C2CD3: variants seen among roughly 807,000 people sequenced by gnomAD.
C2CD3 encodes C2 domain-containing protein 3.
In C2CD3, 148 loss-of-function variants were observed where a neutral mutation model predicts 234.0. The observed-to-expected ratio is 0.63, with a 90% confidence interval of 0.55 to 0.72. The LOEUF (loss-of-function observed/expected upper bound fraction) is 0.72, where lower values mean the gene tolerates loss of function less well. Among genes scored for constraint, C2CD3 ranks in the 30% least tolerant of loss-of-function variants. C2CD3 has a pLI of 0.00. For synonymous variants in C2CD3, 1,000 were observed against 1,035.4 expected, an observed-to-expected ratio of 0.97 and a Z score of 0.66; for missense variants, 2,577 against 2,811.5, an observed-to-expected ratio of 0.92 and a Z score of 1.89.
chr11:74,044,451 C>CA (rs759415122), intron 28 of C2CD3, among the ~76,000 whole-genome samples: 5,122 of 123,958 alleles, frequency 0.041, 220 homozygotes, highest in African/African-American at 0.12. Flanking sequence ...AAGACTGTCT[C>CA]AAAAAAAAAA....
chr11:74,070,075 A>T (rs1954725397), intron 24 of C2CD3, among the ~76,000 whole-genome samples: 1 of 152,208 alleles, frequency 6.6e-6, no homozygotes, highest in Admixed American at 6.5e-5. Flanking sequence ...TACTGAGTAT[A>T]ACTTATGCTA....
At chr11:74,141,435 A>G (rs1408473842) in intron 3 of C2CD3, among the ~76,000 whole-genome samples, 1 of 152,194 alleles carries the variant, frequency 6.6e-6, no homozygotes, top group Non-Finnish European at 1.5e-5. Context: ...ATCACTTGCC[A>G]AAGACTGCCT....
chr11:74,163,694 TGA>T (rs1431143792), intron 2 of C2CD3, among the ~76,000 whole-genome samples: 1 of 152,220 alleles, frequency 6.6e-6, no homozygotes, highest in Non-Finnish European at 1.5e-5. Context: ...TGTGGAACTG[TGA>T]GTCAATTAAA....
intron 3 of C2CD3, 52 bp downstream of exon 3, chr11:74,161,347 T>G: frequency 8.6e-7 from 1 of 1,161,238 alleles, no homozygotes; most frequent in Non-Finnish European, 1.2e-6. Context: ...ACTCAACTAT[T>G]TCTGCCCAAA....
At chr11:74,117,038 ACGTGTGTG>A (rs2135515042) in intron 9 of C2CD3, among the ~76,000 whole-genome samples, 1 of 105,596 alleles carries the variant, frequency 9.5e-6, no homozygotes, top group Admixed American at 1.0e-4. Context: ...ATGTATATAT[ACGTGTGTG>A]TGTATATATA....
chr11:74,157,615 T>A (rs1856120820), intron 3 of C2CD3, among the ~76,000 whole-genome samples: 1 of 152,194 alleles, frequency 6.6e-6, no homozygotes, highest in African/African-American at 2.4e-5. Context: ...AATTCTTACA[T>A]TTGGTAATGT....
In C2CD3 at chr11:74,103,596, T is replaced by C; in HGVS notation, c.2115A>G (p.Lys705=). ...KVTMELITDN[K]DFTGINTKLS... is the part of the protein sequence containing the mutation. ...ACTTAGTATTGATACCAGTGAAATC[T>C]TTGTTATCTGTAATAAGCTCCATGG... The change falls in exon 14 of 33, where the codon AAA becomes AAG. Residue 705 remains lysine (K), a synonymous_variant. Coordinates refer to ENST00000334126, the MANE Select transcript of C2CD3 (RefSeq NM_001286577.2). 3.7e-6 allele frequency: 6 copies of C among 1,612,666 alleles called. No individual in the cohort carries two copies. The highest frequency in any genetic ancestry group is 5.1e-6 in the Non-Finnish European group (6 of 1,179,656).
At chr11:74,063,951 CA>C (rs1591371010) in intron 24 of C2CD3, among the ~76,000 whole-genome samples, 2 of 151,992 alleles carry the variant, frequency 1.3e-5, no homozygotes, top group African/African-American at 4.8e-5. Context: ...GCACAATGTG[CA>C]GGTTTGTTAC....
At chr11:74,142,787 T>C (rs1854894675) in intron 3 of C2CD3, among the ~76,000 whole-genome samples, 1 of 152,160 alleles carries the variant, frequency 6.6e-6, no homozygotes. Context: ...AGAGACCATC[T>C]ACTTTAACCC....
intron 9 of C2CD3, among the ~76,000 whole-genome samples, chr11:74,117,606 T>C (rs2135517349): frequency 6.6e-6 from 1 of 151,362 alleles, no homozygotes; most frequent in South Asian, 2.1e-4. Flanking sequence ...GGGAAGAAGG[T>C]GAGGGATAAA....
At chr11:74,164,745 C>T (rs1424792125) in intron 2 of C2CD3, 1 of 152,062 alleles carries the variant, frequency 6.6e-6, no homozygotes, top group Non-Finnish European at 1.5e-5. Context: ...TTTGCAATTG[C>T]CTTAACTTCT....
chr11:74,017,374 A>G (rs933336246), intron 32 of C2CD3, among the ~76,000 whole-genome samples: 12 of 152,178 alleles, frequency 7.9e-5, no homozygotes, highest in African/African-American at 2.9e-4. Flanking sequence ...TCATCCATAC[A>G]TGGGACCTGT....
chr11:74,133,271 G>A (rs916895757), intron 6 of C2CD3, among the ~76,000 whole-genome samples, 154 bp downstream of exon 6: 29 of 152,132 alleles, frequency 1.9e-4, no homozygotes, highest in African/African-American at 6.8e-4. Flanking sequence ...AAGATTTTTA[G>A]TATCTTAACT....
intron 3 of C2CD3, among the ~76,000 whole-genome samples, chr11:74,143,963 T>G (rs1854984609): frequency 6.6e-6 from 1 of 152,124 alleles, no homozygotes; most frequent in African/African-American, 2.4e-5. Context: ...TAGTTTACAG[T>G]TTTTAAAGAA....
chr11:74,015,846 C>T (rs191224868), intron 32 of C2CD3, among the ~76,000 whole-genome samples: 73 of 149,874 alleles, frequency 4.9e-4, no homozygotes, highest in African/African-American at 1.8e-3. Context: ...GCAGGGGGAT[C>T]GCATGAGTCT....
chr11:74,118,227 C>G lies in C2CD3; in HGVS notation c.1520+1G>C, dbSNP rs758396296. The stretch of plus-strand genomic sequence containing the variant: ...TTAAATAAACAGTCAGAGCAGCTCA[C>G]CTATTTCTCTTGCCTGCTGACCTCT... On this transcript the variant is annotated splice_donor_variant, in intron 9 of 32. Transcript: ENST00000334126. LOFTEE classifies it high-confidence loss of function. The G allele has an allele frequency of 6.2e-7, 1 of 1,611,736 alleles. No homozygotes were observed. Among genetic ancestry groups the G allele is most frequent in the Non-Finnish European group, 8.5e-7 (1 of 1,178,704 alleles).
chr11:74,078,705 C>T lies in C2CD3; in HGVS notation c.4013G>A (p.Trp1338Ter), dbSNP rs762384816. ...LLIKRSGITGWYPIILPEDGG... is the reference protein window; with the variant it reads ...LLIKRSGITG ...GTCTTCTGGTAAAATGATAGGATAC[C>T]ATCCTGTGATCCCTTACGGGAGAAA... The change falls in exon 23 of 33, where the codon TGG (tryptophan) becomes TAG (stop). Residue 1338 changes from tryptophan to a stop codon, truncating the protein, a stop_gained. Coordinates refer to ENST00000334126, the MANE Select transcript of C2CD3 (RefSeq NM_001286577.2). LOFTEE classifies it high-confidence loss of function. The T allele has an allele frequency of 1.2e-5, 19 of 1,600,512 alleles. No individual in the cohort carries two copies. Among genetic ancestry groups the T allele is most frequent in the Non-Finnish European group, 1.4e-5 (17 of 1,174,296 alleles).
At chr11:74,101,511 G>C (rs1369289520) in intron 14 of C2CD3, among the ~76,000 whole-genome samples, 1 of 152,140 alleles carries the variant, frequency 6.6e-6, no homozygotes, top group African/African-American at 2.4e-5. Context: ...TACAAACCTA[G>C]TGTTTATATC....
In C2CD3 at chr11:74,118,217, G is replaced by C. The variant is rs1957093406; in HGVS notation, c.1520+11C>G. ...GTGTTTACCTTTAAATAAACAGTCAGAGCAGCTCACCTATTTCTCTTGCCT... is the reference window on the plus strand; with the variant it reads ...GTGTTTACCTTTAAATAAACAGTCACAGCAGCTCACCTATTTCTCTTGCCT... On this transcript the variant is annotated intron_variant, in intron 9 of 32. Coordinates refer to ENST00000334126, the MANE Select transcript of C2CD3 (RefSeq NM_001286577.2). The C allele has an allele frequency of 6.2e-7, 1 of 1,609,336 alleles. No homozygotes were observed. The highest frequency in any genetic ancestry group is 8.5e-7 in the Non-Finnish European group (1 of 1,177,112).
Sources: allele counts gnomAD v4.1 joint callset (sites outside exome capture counted in the v4.1 genomes callset), GRCh38; gene constraint gnomAD v4.1.1; transcripts MANE v1.5; gene names NCBI Gene and HGNC (gene_info 2026-07-23, HGNC 2026-07-21).